Variants in PTPRM observed in about 807,000 individuals in gnomAD.
PTPRM encodes the protein receptor-type tyrosine-protein phosphatase mu.
In PTPRM, 47 loss-of-function variants were observed where a neutral mutation model predicts 186.7. That is an observed-to-expected ratio of 0.25 (90% CI 0.20 to 0.32). PTPRM has a LOEUF of 0.32. PTPRM is among the 10% of genes least tolerant of loss of function. The pLI is 1.00. For missense variants in PTPRM, 1,494 were observed against 1,865.0 expected (o/e 0.80, Z 3.66); for synonymous variants, 668 against 674.9 (o/e 0.99, Z 0.16).
intron 4 of PTPRM, among the ~76,000 whole-genome samples, chr18:7,915,844 C>T (rs2050525715): frequency 6.6e-6 from 1 of 152,084 alleles, no homozygotes; most frequent in Non-Finnish European, 1.5e-5. Flanking sequence ...ATTTATAGCA[C>T]TAAACAAGGG....
intron 7 of PTPRM, among the ~76,000 whole-genome samples, chr18:8,017,532 G>A (rs1170609458): frequency 4.5e-5 from 6 of 132,344 alleles, no homozygotes; most frequent in African/African-American, 8.8e-5. Flanking sequence ...GCAGTGAGCC[G>A]AGATCGTGCA....
intron 23 of PTPRM, among the ~76,000 whole-genome samples, chr18:8,358,253 A>G (rs1228865495): frequency 6.9e-6 from 1 of 144,692 alleles, no homozygotes; most frequent in East Asian, 1.9e-4. Context: ...TGACACGCAC[A>G]CACACACACA....
intron 1 of PTPRM, among the ~76,000 whole-genome samples, chr18:7,622,966 A>G (rs1334899504): frequency 1.3e-5 from 2 of 152,168 alleles, no homozygotes; most frequent in East Asian, 3.9e-4. Flanking sequence ...TTCCAGGCAT[A>G]AGAAGAAAAA....
At chr18:8,053,358 A>G (rs1035224795) in intron 7 of PTPRM, among the ~76,000 whole-genome samples, 1 of 152,126 alleles carries the variant, frequency 6.6e-6, no homozygotes, top group African/African-American at 2.4e-5. Flanking sequence ...TTAATTTAAA[A>G]AATTAAATTT....
intron 14 of PTPRM, among the ~76,000 whole-genome samples, chr18:8,152,833 T>C (rs1331087159): frequency 1.4e-5 from 2 of 148,066 alleles, no homozygotes; most frequent in Non-Finnish European, 3.0e-5. Context: ...TTCTTCTGCC[T>C]CAGCCTCCCA....
intron 14 of PTPRM, among the ~76,000 whole-genome samples, chr18:8,197,761 C>T (rs1293850380): frequency 2.0e-5 from 3 of 152,204 alleles, no homozygotes; most frequent in Non-Finnish European, 4.4e-5. Context: ...TCCTAACAGG[C>T]AAATGTTCAC....
At chr18:8,341,821 G>A (rs192420914) in intron 22 of PTPRM, among the ~76,000 whole-genome samples, 133 of 152,346 alleles carry the variant, frequency 8.7e-4, no homozygotes, top group South Asian at 4.4e-3. Context: ...GAACTGTAGT[G>A]ATTGATGGAA....
In PTPRM at chr18:8,365,138, T is replaced by C. The variant is rs572269786; in HGVS notation, c.3055-5752T>C. ...TTTCTGTTCCAGAGGCCAAGCCTCC[T>C]GGTAAGACTGAGGAAAGCGTAAAGC... On this transcript the variant is annotated intron_variant, in intron 23 of 32. Coordinates refer to ENST00000580170, the MANE Select transcript of PTPRM (RefSeq NM_001105244.2). 5 of 152,360 alleles carry C rather than the reference T, an allele frequency of 3.3e-5. No homozygotes were observed. The East Asian group carries it at 9.6e-4, about 29-fold the overall frequency. 9.4% of individuals were successfully genotyped at this position (152,360 alleles called of 1,614,324 possible).
At chr18:7,783,308 G>C (rs1216384202) in intron 2 of PTPRM, among the ~76,000 whole-genome samples, 1 of 152,272 alleles carries the variant, frequency 6.6e-6, no homozygotes, top group East Asian at 1.9e-4. Context: ...GCTCCATAGT[G>C]TGAGGGACTC....
chr18:8,342,728 A>G (rs766634179), intron 22 of PTPRM, among the ~76,000 whole-genome samples: 2 of 152,188 alleles, frequency 1.3e-5, no homozygotes, highest in African/African-American at 2.4e-5. Context: ...TTAAATTCCA[A>G]CTTTCTTTAC....
At chr18:8,366,237 G>A (rs975107212) in intron 23 of PTPRM, among the ~76,000 whole-genome samples, 3 of 152,278 alleles carry the variant, frequency 2.0e-5, no homozygotes, top group South Asian at 4.1e-4. Context: ...TCAAGCTCAC[G>A]TCCACACTGC....
chr18:8,148,828 C>T (rs1164095616), intron 14 of PTPRM, among the ~76,000 whole-genome samples: 2 of 152,124 alleles, frequency 1.3e-5, no homozygotes, highest in African/African-American at 4.8e-5. Context: ...TTAAATGTGT[C>T]CCAGAGATTC....
At chr18:8,009,577 G>A (rs1181854865) in intron 7 of PTPRM, among the ~76,000 whole-genome samples, 7 of 152,008 alleles carry the variant, frequency 4.6e-5, no homozygotes, top group African/African-American at 1.2e-4. Context: ...GCATGGTGGC[G>A]CACGCCTGTA....
intron 20 of PTPRM, among the ~76,000 whole-genome samples, chr18:8,297,674 T>G (rs1024515201): frequency 3.9e-5 from 6 of 152,248 alleles, no homozygotes; most frequent in Admixed American, 3.3e-4. Flanking sequence ...GGCTAGTGGC[T>G]ACTACATAGG....
At chr18:8,165,571 G>A (rs569357650) in intron 14 of PTPRM, among the ~76,000 whole-genome samples, 168 of 152,298 alleles carry the variant, frequency 1.1e-3, no homozygotes, top group African/African-American at 4.0e-3. Flanking sequence ...GAGTTAGGCA[G>A]CGTGTACCGC....
chr18:8,031,045 T>C (rs1259206497), intron 7 of PTPRM, among the ~76,000 whole-genome samples: 1 of 152,204 alleles, frequency 6.6e-6, no homozygotes, highest in Non-Finnish European at 1.5e-5. Context: ...ACTCCCTCCT[T>C]GGAAAACGGT....
chr18:8,321,002 T>A (rs2095342426), intron 22 of PTPRM, among the ~76,000 whole-genome samples: 1 of 152,148 alleles, frequency 6.6e-6, no homozygotes, highest in Admixed American at 6.5e-5. Context: ...CAGAGTCTGG[T>A]CCTAGACATC....
At chr18:7,640,996 C>G (rs1302067386) in intron 1 of PTPRM, among the ~76,000 whole-genome samples, 1 of 152,160 alleles carries the variant, frequency 6.6e-6, no homozygotes, top group African/African-American at 2.4e-5. Flanking sequence ...GAGCACAAAT[C>G]TGCTAAAAAT....
intron 15 of PTPRM, among the ~76,000 whole-genome samples, chr18:8,247,030 G>A (rs1568596749): frequency 6.6e-6 from 1 of 152,108 alleles, no homozygotes; most frequent in Non-Finnish European, 1.5e-5. Flanking sequence ...TAACCACCTT[G>A]AGCAACTTTC....
Sources: gnomAD v4.1 joint callset for allele counts (sites outside exome capture counted in the v4.1 genomes callset) on GRCh38, gnomAD v4.1.1 for gene constraint, MANE v1.5 for transcripts, NCBI Gene and HGNC (gene_info 2026-07-23, HGNC 2026-07-21) for gene names.